ZNF610: variants seen among roughly 807,000 people sequenced by gnomAD.
ZNF610 encodes zinc finger protein 610.
A neutral mutation model predicts 14.1 loss-of-function variants in ZNF610; 14 were observed. The observed-to-expected ratio is 0.99, with a 90% CI of 0.65 to 1.55. The LOEUF (loss-of-function observed/expected upper bound fraction) is 1.55, where lower values mean the gene tolerates loss of function less well. Among genes scored for constraint, ZNF610 ranks in the 40% most tolerant of loss-of-function variants. ZNF610 has a pLI of 0.00. For missense variants in ZNF610, 530 were observed against 558.0 expected (o/e 0.95, Z 0.51); for synonymous variants, 185 against 187.6 (o/e 0.99, Z 0.11).
chr19:52,345,388 G>A (rs1162040959), intron 1 of ZNF610: 1 of 152,238 alleles, frequency 6.6e-6, no homozygotes. Flanking sequence ...CATTCCTTGT[G>A]TCTGTGGTGA....
At chr19:52,364,616 G>T (rs1600241627) in intron 5 of ZNF610, among the ~76,000 whole-genome samples, 1 of 152,286 alleles carries the variant, frequency 6.6e-6, no homozygotes. Context: ...AGGCTAGAGT[G>T]CTGTGGCGCG....
intron 5 of ZNF610, 91 bp downstream of exon 5, chr19:52,354,470 A>C: frequency 7.1e-7 from 1 of 1,408,884 alleles, no homozygotes; most frequent in Non-Finnish European, 9.6e-7. Flanking sequence ...GCTGTAGTGC[A>C]GTGGCAATCA....
intron 1 of ZNF610, among the ~76,000 whole-genome samples, chr19:52,341,040 C>G (rs555515219): frequency 2.1e-3 from 320 of 152,244 alleles, no homozygotes; most frequent in African/African-American, 7.6e-3. Flanking sequence ...AACACACACA[C>G]TCACATACTC....
At chr19:52,355,416 A>C (rs1230925700) in intron 5 of ZNF610, among the ~76,000 whole-genome samples, 1 of 152,226 alleles carries the variant, frequency 6.6e-6, no homozygotes, top group Non-Finnish European at 1.5e-5. Flanking sequence ...GATGGGAAGA[A>C]GCCAGTGATT....
chr19:52,341,412 C>T (rs1237026676), intron 1 of ZNF610, among the ~76,000 whole-genome samples: 4 of 151,600 alleles, frequency 2.6e-5, no homozygotes, highest in Non-Finnish European at 4.4e-5. Context: ...CGGATTCAAG[C>T]GATTCTTCTG....
At chr19:52,365,589 C>T (rs762294280) in intron 5 of ZNF610, 109 bp from the exon 6 acceptor site, 95 of 973,200 alleles carry the variant, frequency 9.8e-5, no homozygotes, top group Non-Finnish European at 1.2e-4. Context: ...CAAAGTATGC[C>T]GATACTTCTT....
chr19:52,357,253 A>G (rs1274303516), intron 5 of ZNF610, among the ~76,000 whole-genome samples: 3 of 152,266 alleles, frequency 2.0e-5, no homozygotes, highest in South Asian at 4.1e-4. Context: ...ATGGTACCTC[A>G]TATCTGTAAC....
chr19:52,358,152 A>G (rs996006830), intron 5 of ZNF610, among the ~76,000 whole-genome samples: 6 of 152,266 alleles, frequency 3.9e-5, no homozygotes, highest in African/African-American at 1.4e-4. Flanking sequence ...ATATAAAGAA[A>G]TTTCCATATT....
At chr19:52,360,056 G>A (rs751490335) in intron 5 of ZNF610, among the ~76,000 whole-genome samples, 2 of 152,198 alleles carry the variant, frequency 1.3e-5, no homozygotes, top group Non-Finnish European at 2.9e-5. Flanking sequence ...CATCCAGGAA[G>A]CTCCATGTGT....
chr19:52,361,771 T>TA (rs1461055458), intron 5 of ZNF610, among the ~76,000 whole-genome samples: 1 of 152,172 alleles, frequency 6.6e-6, no homozygotes, highest in Non-Finnish European at 1.5e-5. Context: ...TCAATTTTCT[T>TA]ACCATTCGAA....
the ZNF610 span, among the ~76,000 whole-genome samples, chr19:52,330,886 G>A: frequency 6.6e-6 from 1 of 152,234 alleles, no homozygotes; most frequent in Non-Finnish European, 1.5e-5. Context: ...AGAATGTGAT[G>A]TCAATAATTG....
At chr19:52,345,825 C>A (rs1984914072) in intron 1 of ZNF610, among the ~76,000 whole-genome samples, 1 of 151,974 alleles carries the variant, frequency 6.6e-6, no homozygotes. Context: ...CCACCTCAGC[C>A]TCCCGAGTAG....
chr19:52,351,464 A>C (rs1985246306), intron 3 of ZNF610, among the ~76,000 whole-genome samples: 1 of 151,918 alleles, frequency 6.6e-6, no homozygotes, highest in East Asian at 1.9e-4. Flanking sequence ...AAAGAAAAAA[A>C]AAAAAGAAAG....
chr19:52,342,769 T>TGC (rs1568645831), intron 1 of ZNF610, among the ~76,000 whole-genome samples: 2 of 152,058 alleles, frequency 1.3e-5, no homozygotes, highest in East Asian at 3.9e-4. Context: ...TCGTGATCCA[T>TGC]CCACCTTGGC....
Position 52,366,722 on chromosome 19 carries a change from A to G in ZNF610, c.1344A>G (p.Lys448=), listed in dbSNP as rs760023635. 1 of 1,614,150 alleles carries G rather than the reference A, an allele frequency of 6.2e-7. No homozygotes were observed. The highest frequency in any genetic ancestry group is 8.5e-7 in the Non-Finnish European group (1 of 1,179,982). ...NQNPHLSRHR[K]IHAGENSLRT... ...ATCCACACCTTTCACGACATCGGAAAATTCATGCTGGAGAGAATTCACTGC... is the reference window on the plus strand; with the variant it reads ...ATCCACACCTTTCACGACATCGGAAGATTCATGCTGGAGAGAATTCACTGC... The change falls in exon 6 of 6, where the codon AAA becomes AAG. Residue 448 remains lysine (K), a synonymous_variant. Transcript: ENST00000403906.
At chr19:52,333,979 C>T (rs997443020), upstream of ZNF610, among the ~76,000 whole-genome samples, 3 of 152,156 alleles carry the variant, frequency 2.0e-5, no homozygotes, top group Non-Finnish European at 2.9e-5. Context: ...TCACATCCCA[C>T]AGGCCTTCAG....
At chr19:52,345,791 G>A (rs779761120) in intron 1 of ZNF610, among the ~76,000 whole-genome samples, 5 of 151,728 alleles carry the variant, frequency 3.3e-5, no homozygotes, top group South Asian at 2.1e-4. Flanking sequence ...TGCAAGCTCC[G>A]TCTCCCGGGT....
chr19:52,367,393 G>A lies in ZNF610; in HGVS notation c.*626G>A, dbSNP rs1482500511. 1 of 152,242 alleles carries A rather than the reference G, an allele frequency of 6.6e-6. No individual in the cohort carries two copies. The highest frequency in any genetic ancestry group is 6.5e-5 in the Admixed American group (1 of 15,280). 9.4% of individuals were successfully genotyped at this position (152,242 alleles called of 1,614,324 possible). ...ACTGGCCTTGGCCTCCCAAAGTGCT[G>A]GGATTATAGGTGTGAGCCACAGCGC... On this transcript the variant is annotated 3_prime_UTR_variant, in exon 6 of 6. Coordinates refer to ENST00000403906, the MANE Select transcript of ZNF610 (RefSeq NM_001161425.2).
chr19:52,332,803 C>T (rs1466483133), upstream of ZNF610, among the ~76,000 whole-genome samples: 1 of 152,124 alleles, frequency 6.6e-6, no homozygotes, highest in Non-Finnish European at 1.5e-5. The surrounding 1 kb of genome is among the most constrained non-coding windows in gnomAD (Gnocchi z 4.1). Flanking sequence ...CTAGTGTGGT[C>T]AATAACGGAG....
Sources: gnomAD v4.1 joint callset for allele counts (sites outside exome capture counted in the v4.1 genomes callset) on GRCh38, gnomAD v4.1.1 for gene constraint, Gnocchi (gnomAD v3.1) non-coding constraint, MANE v1.5 for transcripts, NCBI Gene and HGNC (gene_info 2026-07-23, HGNC 2026-07-21) for gene names.